HMGN5: variants seen among roughly 807,000 people sequenced by gnomAD.
HMGN5 encodes the protein high mobility group nucleosome-binding domain-containing protein 5.
A neutral mutation model predicts 9.5 loss-of-function variants in HMGN5; 4 were observed. The ratio of observed to expected loss-of-function variants is 0.42; its 90% CI spans 0.21 to 0.96. The LOEUF is 0.96. HMGN5 is among the 40% of genes least tolerant of loss of function. HMGN5 has a pLI of 0.30. For missense variants in HMGN5, 192 were observed against 187.5 expected (o/e 1.02, Z -0.14); for synonymous variants, 55 against 57.1 (o/e 0.96, Z 0.16).
intron 1 of HMGN5, among the ~76,000 whole-genome samples, chrX:81,127,825 T>C (rs541759237): frequency 2.9e-4 from 32 of 111,566 alleles, no homozygotes; most frequent in African/African-American, 8.4e-4. Flanking sequence ...GATTTTCTTG[T>C]ATGGGGAATT....
chrX:81,131,698 A>G (rs2075297992), intron 1 of HMGN5, among the ~76,000 whole-genome samples: 1 of 111,649 alleles, frequency 9.0e-6, no homozygotes, highest in Non-Finnish European at 1.9e-5. Context: ...TAAGCTAAGT[A>G]TTGAATGAAC....
At chrX:81,188,064 T>C (rs1222270788) in intron 1 of HMGN5, among the ~76,000 whole-genome samples, 1 of 109,879 alleles carries the variant, frequency 9.1e-6, no homozygotes, top group Non-Finnish European at 1.9e-5. Flanking sequence ...TTATATCTTA[T>C]TGTACTGTCT....
At chrX:81,138,652 A>C (rs2147551924) in intron 1 of HMGN5, among the ~76,000 whole-genome samples, 1 of 111,661 alleles carries the variant, frequency 9.0e-6, no homozygotes, top group African/African-American at 3.2e-5. Flanking sequence ...AAGACAAGAA[A>C]AAGAAATAAA....
At chrX:81,139,762 C>T (rs1275543380) in intron 1 of HMGN5, among the ~76,000 whole-genome samples, 1 of 112,044 alleles carries the variant, frequency 8.9e-6, no homozygotes, top group Non-Finnish European at 1.9e-5. Context: ...CTGAACCAAA[C>T]TCAGCTGATG....
chrX:81,175,800 G>T (rs756097325), intron 1 of HMGN5, among the ~76,000 whole-genome samples: 161 of 111,379 alleles, frequency 1.4e-3, no homozygotes, highest in African/African-American at 5.2e-3. Context: ...TAATTGTGAG[G>T]CCTCTCCCAG....
intron 5 of HMGN5, among the ~76,000 whole-genome samples, chrX:81,117,004 G>A (rs755436247): frequency 1.8e-5 from 2 of 110,897 alleles, no homozygotes; most frequent in East Asian, 5.6e-4. Context: ...GTGATCTTGA[G>A]CAAAGGCATA....
rs201647759 is a variant in HMGN5 at position 81,160,950 on chromosome X, G to A, written c.-123-39278C>T. 1.5e-4 allele frequency among the ~76,000 whole-genome samples: 17 copies of A among 111,513 alleles called. No individual in the cohort carries two copies. In the East Asian group the frequency reaches 4.2e-3, roughly 28 times the overall value. ...GGACATATATAATCATCTGCTGATT[G>A]TTTATATCTGATGAGTTATTTCCAA... On this transcript the variant is annotated intron_variant, in intron 1 of 6. Transcript: ENST00000358130.
chrX:81,116,175 T>C (rs1197117969), intron 6 of HMGN5, 29 bp downstream of exon 6: 1 of 1,105,156 alleles, frequency 9.0e-7, no homozygotes, highest in African/African-American at 1.8e-5. Flanking sequence ...AACTTTCAAA[T>C]AGATAAAACT....
chrX:81,124,972 T>G (rs2075278959), intron 1 of HMGN5, among the ~76,000 whole-genome samples: 2 of 110,691 alleles, frequency 1.8e-5, no homozygotes, highest in African/African-American at 6.6e-5. Context: ...GGCACCAACA[T>G]TAAGATATAT....
chrX:81,120,670 C>T (rs916804826), intron 2 of HMGN5, among the ~76,000 whole-genome samples: 4 of 111,197 alleles, frequency 3.6e-5, no homozygotes, highest in Non-Finnish European at 5.7e-5. Context: ...TACGGTTTTA[C>T]CAAGCAATGA....
chrX:81,200,756 AAAC>A (rs1326086509), intron 1 of HMGN5, among the ~76,000 whole-genome samples: 1 of 111,065 alleles, frequency 9.0e-6, no homozygotes, highest in African/African-American at 3.3e-5. Context: ...TACCTAATGT[AAAC>A]AACGAGTTGA....
chrX:81,153,990 G>A (rs752565170), intron 1 of HMGN5, among the ~76,000 whole-genome samples: 9 of 108,178 alleles, frequency 8.3e-5, no homozygotes, highest in Non-Finnish European at 1.3e-4. Flanking sequence ...AATACCAATG[G>A]CATTCTTCAC....
intron 5 of HMGN5, 60 bp from the exon 6 acceptor site, chrX:81,116,401 A>C: frequency 6.3e-6 from 5 of 799,512 alleles, no homozygotes; most frequent in African/African-American, 2.1e-5. Context: ...TGTTGATTAA[A>C]TGGTCACAAT....
chrX:81,199,865 A>G (rs910117931), intron 1 of HMGN5, among the ~76,000 whole-genome samples: 2 of 112,436 alleles, frequency 1.8e-5, no homozygotes, highest in Non-Finnish European at 3.8e-5. Context: ...ACAAAAGCCA[A>G]AATAGACAAA....
chrX:81,136,722 G>A (rs188431893), intron 1 of HMGN5, among the ~76,000 whole-genome samples: 1 of 111,357 alleles, frequency 9.0e-6, no homozygotes, highest in Non-Finnish European at 1.9e-5. Context: ...AACCTTAAAT[G>A]TAAACAGTCT....
intron 1 of HMGN5, among the ~76,000 whole-genome samples, chrX:81,176,515 T>C (rs990645357): frequency 5.4e-5 from 6 of 110,774 alleles, no homozygotes; most frequent in Admixed American, 3.9e-4. Context: ...TTGAACCCAT[T>C]GCAAGGAAGC....
At chrX:81,192,136 C>T (rs1330026863) in intron 1 of HMGN5, among the ~76,000 whole-genome samples, 2 of 111,063 alleles carry the variant, frequency 1.8e-5, no homozygotes, top group African/African-American at 3.3e-5. Flanking sequence ...TTAGAATAAC[C>T]CAACTTGGTC....
intron 1 of HMGN5, among the ~76,000 whole-genome samples, chrX:81,176,027 C>T (rs1170356470): frequency 1.8e-5 from 2 of 111,286 alleles, no homozygotes; most frequent in Non-Finnish European, 3.8e-5. Flanking sequence ...CCAGTAGGGG[C>T]CGACAGACAC....
chrX:81,179,229 G>A (rs1354236289), intron 1 of HMGN5, among the ~76,000 whole-genome samples: 10 of 111,632 alleles, frequency 9.0e-5, no homozygotes, highest in South Asian at 3.8e-4. Context: ...AAGAAATAAA[G>A]TGTATTCGAT....
Sources: allele counts gnomAD v4.1 joint callset (sites outside exome capture counted in the v4.1 genomes callset), GRCh38; gene constraint gnomAD v4.1.1; transcripts MANE v1.5; gene names NCBI Gene and HGNC (gene_info 2026-07-23, HGNC 2026-07-21).